The following EFTUD2 variants were observed in gnomAD, a reference collection of about 807,000 sequenced individuals.
EFTUD2 encodes elongation factor Tu GTP binding domain containing 2, also known as 116 kDa U5 small nuclear ribonucleoprotein component.
A neutral mutation model predicts 114.3 loss-of-function variants in EFTUD2; 9 were observed. The observed-to-expected ratio is 0.08, with a 90% CI of 0.05 to 0.14. The LOEUF is 0.14. Among genes scored for constraint, EFTUD2 ranks in the 10% least tolerant of loss-of-function variants. The pLI is 1.00. For synonymous variants in EFTUD2, 449 were observed against 462.3 expected (o/e 0.97, Z 0.37); for missense variants, 765 against 1,241.2 (o/e 0.62, Z 5.76).
Position 44,860,554 on chromosome 17 carries a change from G to T in EFTUD2, c.1608-11C>A. 6.5e-7 allele frequency: 1 copy of T among 1,533,292 alleles called. No individual in the cohort carries two copies. The highest frequency in any genetic ancestry group is 9.0e-7 in the Non-Finnish European group (1 of 1,107,656). 95.0% of individuals were successfully genotyped at this position (1,533,292 alleles called of 1,614,324 possible). ...ACCTCGATGTGGTACCTGAAGCAATGTCCAATAAGCAGCAGTGAAACTTAG... is the reference window on the plus strand; with the variant it reads ...ACCTCGATGTGGTACCTGAAGCAATTTCCAATAAGCAGCAGTGAAACTTAG... On this transcript the variant is annotated splice_polypyrimidine_tract_variant and intron_variant, in intron 16 of 27. Transcript: ENST00000426333.
chr17:44,894,071 A>AG (rs2051331821), intron 2 of EFTUD2: 2 of 207,038 alleles, frequency 9.7e-6, no homozygotes, highest in Admixed American at 1.1e-4. Context: ...CTGTCTCAAA[A>AG]AAAAAAAAAA....
At position 44,897,148 on chromosome 17, in the gene EFTUD2, G is replaced by A. The variant is rs1253354147; in HGVS notation, c.-5+2221C>T. Reference sequence around the variant, plus strand: ...GGAGAATGGTGTGAACCCAGGAGGCGGAGCTTGCAGTGAGCGGAGACAGCG... The same window carrying A: ...GGAGAATGGTGTGAACCCAGGAGGCAGAGCTTGCAGTGAGCGGAGACAGCG... On this transcript the variant is annotated intron_variant, in intron 1 of 27. Coordinates refer to ENST00000426333, the MANE Select transcript of EFTUD2 (RefSeq NM_004247.4). Among the ~76,000 whole-genome samples, 13 of 149,908 alleles carry A rather than the reference G, an allele frequency of 8.7e-5. No homozygotes were observed. The East Asian group carries it at 1.2e-3, about 14-fold the overall frequency.
In EFTUD2 at chr17:44,883,734, C is replaced by G. The variant is rs2051114493; in HGVS notation, c.351-10G>C. 4 of 1,613,692 alleles carry G rather than the reference C, an allele frequency of 2.5e-6. No individual in the cohort carries two copies. The East Asian group carries it at 8.9e-5, about 36-fold the overall frequency. ...CAGATCCGCCAAGAAACTGAAAGGA[C>G]AAAGGAAAAGAGAAAAGAGAGATTG... On this transcript the variant is annotated splice_polypyrimidine_tract_variant and intron_variant, in intron 4 of 27. Coordinates refer to ENST00000426333, the MANE Select transcript of EFTUD2 (RefSeq NM_004247.4).
chr17:44,851,380 TG>T lies in EFTUD2; in HGVS notation c.2824-12del. 6.2e-7 allele frequency: 1 copy of T among 1,609,498 alleles called. No homozygotes were observed. The highest frequency in any genetic ancestry group is 8.5e-7 in the Non-Finnish European group (1 of 1,176,364). On this transcript the variant is annotated splice_polypyrimidine_tract_variant and intron_variant, in intron 27 of 27. Transcript: ENST00000426333. ...ATCTTCACTGAGGCCCTGCAGGGAA[TG>T]GGGCAAATATAAGAAAGCCCGAGGT...
At chr17:44,879,702 G>A in intron 8 of EFTUD2, 64 bp from the exon 9 acceptor site, 2 of 1,524,200 alleles carry the variant, frequency 1.3e-6, no homozygotes, top group Non-Finnish European at 1.8e-6. Context: ...AACTGGTAGG[G>A]TGAACTGAGG....
In EFTUD2 at chr17:44,854,437, TAAGGGGATAC is replaced by T. The variant is rs2145437771; in HGVS notation, c.2260-91_2260-82del. 1.9e-6 allele frequency: 3 copies of T among 1,579,804 alleles called. No homozygotes were observed. Among genetic ancestry groups the T allele is most frequent in the Non-Finnish European group, 2.6e-6 (3 of 1,157,918 alleles). On this transcript the variant is annotated intron_variant, in intron 22 of 27. Coordinates refer to ENST00000426333, the MANE Select transcript of EFTUD2 (RefSeq NM_004247.4). This position sits in a 1 kb window ranked among gnomAD's most constrained non-coding sequence, Gnocchi z 4.3. ...TAGAGGGAGAAGACAGATGTGCCTG[TAAGGGGATAC>T]TGTCCTTCACCAGAGGACACAAGAT...
At chr17:44,875,564 T>G (rs2050932917) in intron 10 of EFTUD2, 1 of 155,254 alleles carries the variant, frequency 6.4e-6, no homozygotes, top group Non-Finnish European at 1.4e-5. Flanking sequence ...AAAAAATATA[T>G]AGCCAGGTAT....
intron 13 of EFTUD2, among the ~76,000 whole-genome samples, chr17:44,865,675 A>G (rs1567737585): frequency 6.6e-6 from 1 of 152,160 alleles, no homozygotes. Flanking sequence ...CATTTTGTGT[A>G]TGTGTGTGTC....
At chr17:44,896,178 C>A (rs1285411141) in intron 1 of EFTUD2, among the ~76,000 whole-genome samples, 1 of 152,126 alleles carries the variant, frequency 6.6e-6, no homozygotes, top group African/African-American at 2.4e-5. Flanking sequence ...ACTCATTTTC[C>A]CTTTGTAATT....
At chr17:44,876,317 G>A (rs535446749) in intron 9 of EFTUD2, among the ~76,000 whole-genome samples, 65 of 152,314 alleles carry the variant, frequency 4.3e-4, no homozygotes, top group African/African-American at 1.5e-3. Context: ...ATAAACCCAT[G>A]AACAATGATG....
intron 12 of EFTUD2, 82 bp downstream of exon 12, chr17:44,868,205 T>C: frequency 2.2e-6 from 3 of 1,333,986 alleles, no homozygotes; most frequent in Non-Finnish European, 3.1e-6. Flanking sequence ...TATTTAATCT[T>C]TGAACTCAGA....
intron 4 of EFTUD2, among the ~76,000 whole-genome samples, chr17:44,884,876 G>A (rs2051138427): frequency 6.6e-6 from 1 of 152,126 alleles, no homozygotes. Flanking sequence ...AACAAAACGA[G>A]ACCTTGTCTC....
intron 26 of EFTUD2, 136 bp from the exon 27 acceptor site, chr17:44,851,953 T>C (rs1597786674): frequency 3.7e-6 from 3 of 812,050 alleles, no homozygotes; most frequent in East Asian, 3.1e-5. Context: ...GTTTCGCTCT[T>C]GTCTCCCAGG....
intron 11 of EFTUD2, 136 bp from the exon 12 acceptor site, chr17:44,868,486 A>G (rs1237189114): frequency 2.6e-6 from 2 of 761,146 alleles, no homozygotes; most frequent in East Asian, 2.8e-5. Flanking sequence ...CCTTCTAACC[A>G]GAGAGGAAAA....
At position 44,888,564 on chromosome 17, in the gene EFTUD2, T is replaced by C. The variant is rs552995026; in HGVS notation, c.106-1814A>G. 1.6e-4 allele frequency among the ~76,000 whole-genome samples: 25 copies of C among 152,226 alleles called. 1 individual carries two copies. Among genetic ancestry groups the C allele is most frequent in the Admixed American group, 1.6e-3 (25 of 15,276 alleles). On this transcript the variant is annotated intron_variant, in intron 2 of 27. Transcript: ENST00000426333. ...TGATTCAGGAAAGAAATAACAGTGG[T>C]GGTGGCTTGGAGTAGACAGAGTGGG...
chr17:44,873,620 G>A (rs577914257), intron 10 of EFTUD2, among the ~76,000 whole-genome samples: 1 of 152,186 alleles, frequency 6.6e-6, no homozygotes, highest in Admixed American at 6.5e-5. Context: ...AAAGTGCTGG[G>A]ATTCTAGGTA....
At chr17:44,865,311 G>T in intron 13 of EFTUD2, 1 of 458,158 alleles carries the variant, frequency 2.2e-6, no homozygotes, top group Admixed American at 3.9e-5. Context: ...CACTCAGATT[G>T]ATTACTCCCA....
chr17:44,851,337 G>T lies in EFTUD2; in HGVS notation c.2856C>A (p.Phe952Leu). The T allele has an allele frequency of 6.2e-7, 1 of 1,614,094 alleles. No homozygotes were observed. The highest frequency in any genetic ancestry group is 8.5e-7 in the Non-Finnish European group (1 of 1,180,028). Residue 952 changes from phenylalanine (F) to leucine (L), a missense_variant, in exon 28 of 28, where the codon TTC becomes TTA. By Grantham distance (22) the Phe-to-Leu change is conservative (BLOSUM62 0). Around this residue, in one of 6 missense-constraint regions of EFTUD2, gnomAD observed 166 missense variants for 401.5 expected, o/e 0.41. Transcript: ENST00000426333. ...GTTCCAGCAACATAGGATCATCGAA[G>T]AATTTGCTGATGCTCACATCTTCAC... ...GLSEDVSISK[F>L]FDDPMLLELA... is the part of the protein sequence containing the mutation.
Position 44,854,422 on chromosome 17 carries a change from A to C in EFTUD2, c.2260-66T>G. 5.0e-6 allele frequency: 8 copies of C among 1,585,810 alleles called. No homozygotes were observed. The South Asian group carries it at 9.0e-5, about 18-fold the overall frequency. Reference sequence around the variant, plus strand: ...AACGGCTGAAGCATTTAGAGGGAGAAGACAGATGTGCCTGTAAGGGGATAC... The same window carrying C: ...AACGGCTGAAGCATTTAGAGGGAGACGACAGATGTGCCTGTAAGGGGATAC... On this transcript the variant is annotated intron_variant, in intron 22 of 27. Coordinates refer to ENST00000426333, the MANE Select transcript of EFTUD2 (RefSeq NM_004247.4). The surrounding 1 kb of genome is among the most constrained non-coding windows in gnomAD (Gnocchi z 4.3).
Sources: allele counts gnomAD v4.1 joint callset (sites outside exome capture counted in the v4.1 genomes callset), GRCh38; gene constraint gnomAD v4.1.1; regional missense constraint gnomAD v4.1.1; non-coding constraint Gnocchi (gnomAD v3.1); transcripts MANE v1.5; gene names NCBI Gene and HGNC (gene_info 2026-07-23, HGNC 2026-07-21).